The following MAST4 variants were observed in gnomAD, a reference collection of about 807,000 sequenced individuals.
The protein encoded by MAST4 is microtubule associated serine/threonine kinase family member 4, also known as microtubule-associated serine/threonine-protein kinase 4.
In MAST4, 89 loss-of-function variants were observed where a neutral mutation model predicts 162.7. The ratio of observed to expected loss-of-function variants is 0.55; its 90% CI spans 0.46 to 0.65. The LOEUF (loss-of-function observed/expected upper bound fraction) is 0.65, where lower values mean the gene tolerates loss of function less well. Among genes scored for constraint, MAST4 ranks in the 30% least tolerant of loss-of-function variants. The pLI, the probability that MAST4 is intolerant of heterozygous loss-of-function variation, is 0.00. For synonymous variants in MAST4, 1,479 were observed against 1,361.1 expected, an observed-to-expected ratio of 1.09 and a Z score of -1.91; for missense variants, 3,153 against 3,374.0, an observed-to-expected ratio of 0.93 and a Z score of 1.62.
chr5:66,604,395 A>G (rs1742747255), intron 1 of MAST4, among the ~76,000 whole-genome samples: 1 of 152,204 alleles, frequency 6.6e-6, no homozygotes, highest in Non-Finnish European at 1.5e-5. Context: ...CTTTCAGTCC[A>G]AATGCTTTGT....
intron 2 of MAST4, among the ~76,000 whole-genome samples, chr5:66,779,725 G>A (rs926327012): frequency 6.6e-6 from 1 of 152,202 alleles, no homozygotes; most frequent in African/African-American, 2.4e-5. Context: ...ATGTTTAGGA[G>A]TGAGCAATGG....
rs987236210 is a variant in MAST4 at position 67,139,269 on chromosome 5, G to A, written c.2494+2605G>A. On this transcript the variant is annotated intron_variant, in intron 19 of 28. Coordinates refer to ENST00000403625, the MANE Select transcript of MAST4 (RefSeq NM_001164664.2). ...TATTTAGTGGGCAAAATAATGCACCGTGAAAATGTGCGAATGCACATTTGC... is the reference window on the plus strand; with the variant it reads ...TATTTAGTGGGCAAAATAATGCACCATGAAAATGTGCGAATGCACATTTGC... Among the ~76,000 whole-genome samples, 6 of 152,328 alleles carry A rather than the reference G, an allele frequency of 3.9e-5. No homozygotes were observed. The South Asian group carries it at 1.2e-3, about 32-fold the overall frequency.
chr5:67,103,519 G>A (rs1165962244), intron 9 of MAST4, among the ~76,000 whole-genome samples: 1 of 151,766 alleles, frequency 6.6e-6, no homozygotes, highest in African/African-American at 2.4e-5. Flanking sequence ...GAGGGGAGGA[G>A]GAGGGAGGAA....
At chr5:66,673,503 G>A (rs1483724162) in intron 1 of MAST4, among the ~76,000 whole-genome samples, 3 of 149,302 alleles carry the variant, frequency 2.0e-5, no homozygotes, top group Admixed American at 6.8e-5. Flanking sequence ...ACTACAATAC[G>A]CTAGTTTTTT....
In MAST4 at chr5:67,160,439, C is replaced by T. The variant is rs763687013; in HGVS notation, c.3649-17C>T. On this transcript the variant is annotated splice_polypyrimidine_tract_variant and intron_variant, in intron 26 of 28. Transcript: ENST00000403625. ...ATCACAGCATTTCCCTTTAATGCCA[C>T]CTCATCTTTTCTTTAGAGTGGGAAT... The T allele has an allele frequency of 6.3e-7, 1 of 1,598,290 alleles. No individual in the cohort carries two copies. Among genetic ancestry groups the T allele is most frequent in the Non-Finnish European group, 8.5e-7 (1 of 1,173,342 alleles).
At chr5:67,105,782 C>A (rs1007791839) in intron 10 of MAST4, among the ~76,000 whole-genome samples, 1 of 152,194 alleles carries the variant, frequency 6.6e-6, no homozygotes, top group African/African-American at 2.4e-5. Context: ...TATCTCATCA[C>A]GCACAGATGA....
At chr5:66,959,139 T>G (rs1745681190) in intron 4 of MAST4, 7 of 741,206 alleles carry the variant, frequency 9.4e-6, no homozygotes, top group Admixed American at 1.8e-5. Flanking sequence ...CTCGAGAGAG[T>G]GTTAGTCCAG....
At chr5:66,757,361 C>G (rs890593946) in intron 1 of MAST4, among the ~76,000 whole-genome samples, 1 of 152,174 alleles carries the variant, frequency 6.6e-6, no homozygotes, top group Non-Finnish European at 1.5e-5. Context: ...AGTGCATTTA[C>G]TAGGACTATT....
chr5:67,002,733 G>A (rs1751434208), intron 4 of MAST4, among the ~76,000 whole-genome samples: 2 of 152,038 alleles, frequency 1.3e-5, no homozygotes, highest in South Asian at 4.1e-4. Flanking sequence ...TCCTATTATG[G>A]ACCCCATATT....
At chr5:67,146,689 A>G (rs754633047) in intron 23 of MAST4, among the ~76,000 whole-genome samples, 1 of 152,128 alleles carries the variant, frequency 6.6e-6, no homozygotes, top group African/African-American at 2.4e-5. Context: ...ACATGTGCTT[A>G]TAGTTTATTG....
rs989375694 is a variant in MAST4, at chr5:67,167,328, A to G, written c.*277A>G. ...CAGTTGAGGGTTGTTGAGGAAAATGATTTTCTTTGTAAATATATAGCATCG... is the reference window on the plus strand; with the variant it reads ...CAGTTGAGGGTTGTTGAGGAAAATGGTTTTCTTTGTAAATATATAGCATCG... On this transcript the variant is annotated 3_prime_UTR_variant, in exon 29 of 29. Coordinates refer to ENST00000403625, the MANE Select transcript of MAST4 (RefSeq NM_001164664.2). 3.4e-6 allele frequency: 1 copy of G among 298,240 alleles called. No homozygotes were observed. The highest frequency in any genetic ancestry group is 2.2e-5 in the African/African-American group (1 of 45,738). The allele number at this position is 298,240 out of a possible 1,614,324, so 18.5% of individuals were successfully genotyped here.
intron 1 of MAST4, chr5:66,663,116 A>G (rs1747014839): frequency 6.6e-6 from 1 of 152,230 alleles, no homozygotes; most frequent in African/African-American, 2.4e-5. Context: ...GCTGGGAGCC[A>G]TCACACCTGA....
chr5:66,645,947 A>T (rs1376385535), intron 1 of MAST4, among the ~76,000 whole-genome samples: 1 of 152,144 alleles, frequency 6.6e-6, no homozygotes, highest in Non-Finnish European at 1.5e-5. Flanking sequence ...TTTAGACAGA[A>T]ATATTTTCTT....
At chr5:66,915,878 C>T (rs922124689) in intron 4 of MAST4, among the ~76,000 whole-genome samples, 2 of 152,172 alleles carry the variant, frequency 1.3e-5, no homozygotes, top group African/African-American at 2.4e-5. Context: ...TTTTCTTCTC[C>T]TACCATTATG....
Position 67,168,168 on chromosome 5 carries a change from C to G in MAST4, c.*1117C>G, listed in dbSNP as rs145699947. On this transcript the variant is annotated 3_prime_UTR_variant, in exon 29 of 29. Coordinates refer to ENST00000403625, the MANE Select transcript of MAST4 (RefSeq NM_001164664.2). ...GGTGGATTTTGGCATCGTAGCATAT[C>G]GATTAAAGAATAATCAGGACATCAG... The G allele has an allele frequency of 1.3e-5, 2 of 152,216 alleles. No homozygotes were observed. The highest frequency in any genetic ancestry group is 2.9e-5 in the Non-Finnish European group (2 of 68,018). The allele number at this position is 152,216 out of a possible 1,614,324, so 9.4% of individuals were successfully genotyped here.
intron 17 of MAST4, among the ~76,000 whole-genome samples, chr5:67,133,884 C>T (rs148558528): frequency 2.0e-5 from 3 of 152,266 alleles, no homozygotes; most frequent in African/African-American, 7.2e-5. Context: ...GACGAATGAT[C>T]TAATTGCACA....
intron 1 of MAST4, among the ~76,000 whole-genome samples, chr5:66,720,504 G>A (rs183259175): frequency 6.6e-6 from 1 of 152,130 alleles, no homozygotes; most frequent in African/African-American, 2.4e-5. Context: ...TTTTCAGCAT[G>A]AAATTTTATA....
intron 4 of MAST4, among the ~76,000 whole-genome samples, chr5:67,045,352 GC>G (rs746791208): frequency 1.3e-5 from 2 of 152,186 alleles, no homozygotes; most frequent in East Asian, 3.8e-4. Flanking sequence ...GTGAATGTCA[GC>G]CACCAATGAC....
At chr5:66,863,834 T>G (rs1385256195) in intron 3 of MAST4, among the ~76,000 whole-genome samples, 1 of 152,300 alleles carries the variant, frequency 6.6e-6, no homozygotes, top group East Asian at 1.9e-4. Flanking sequence ...GGTGACCTCT[T>G]CTCTTTTAGG....
Sources: allele counts gnomAD v4.1 joint callset (sites outside exome capture counted in the v4.1 genomes callset), GRCh38; gene constraint gnomAD v4.1.1; transcripts MANE v1.5; gene names NCBI Gene and HGNC (gene_info 2026-07-23, HGNC 2026-07-21).